Variants in PHF24 observed in about 807,000 individuals in gnomAD.
The protein encoded by PHF24 is PHD finger protein 24.
A neutral mutation model predicts 42.6 loss-of-function variants in PHF24; 25 were observed. The ratio of observed to expected loss-of-function variants is 0.59; its 90% confidence interval spans 0.43 to 0.82. The LOEUF (loss-of-function observed/expected upper bound fraction) is 0.82. Ranked by LOEUF, PHF24 falls within the 40% of genes least tolerant of loss-of-function variation. The pLI, the probability that PHF24 is intolerant of heterozygous loss-of-function variation, is 0.00. For synonymous variants in PHF24, 185 were observed against 204.8 expected, an observed-to-expected ratio of 0.90 and a Z score of 0.83; for missense variants, 470 against 538.1, an observed-to-expected ratio of 0.87 and a Z score of 1.25.
the PHF24 span, chr9:34,832,776 G>A: frequency 8.4e-6 from 13 of 1,550,956 alleles, no homozygotes; most frequent in Non-Finnish European, 1.1e-5. Flanking sequence ...CTTAGCCTGA[G>A]TTGGTTGGCT....
chr9:34,976,870 C>A, intron 5 of PHF24, 130 bp downstream of exon 5: 1 of 910,518 alleles, frequency 1.1e-6, no homozygotes, highest in Non-Finnish European at 1.6e-6. Context: ...GCTCAGGTTC[C>A]ATCCAGTGAC....
intron 1 of PHF24, among the ~76,000 whole-genome samples, chr9:34,959,550 G>A (rs1587457294): frequency 6.6e-6 from 1 of 152,188 alleles, no homozygotes; most frequent in African/African-American, 2.4e-5. Flanking sequence ...GGTGCCTGCC[G>A]AGCATAGGGT....
At chr9:34,670,981 T>C in the PHF24 span, among the ~76,000 whole-genome samples, 4 of 152,134 alleles carry the variant, frequency 2.6e-5, no homozygotes, top group Non-Finnish European at 5.9e-5. Context: ...CCTTGGAAAG[T>C]GAAGCTAAAT....
In PHF24 at chr9:34,978,081, C is replaced by T. The variant is rs199818707; in HGVS notation, c.1173C>T (p.Ser391=). 3.7e-5 allele frequency: 59 copies of T among 1,614,130 alleles called. No individual in the cohort carries two copies. The African/African-American group carries it at 4.5e-4, about 12-fold the overall frequency. ...ACATCCTGGCTGCTCGCCCCAACAGCGCAGCCATTCACCTGAAGCCCCCAG... is the reference window on the plus strand; with the variant it reads ...ACATCCTGGCTGCTCGCCCCAACAGTGCAGCCATTCACCTGAAGCCCCCAG... The change falls in exon 8 of 8, where the codon AGC becomes AGT. Residue 391 remains serine (S), a synonymous_variant. Transcript: ENST00000242315.
chr9:34,902,821 G>A, the PHF24 span, among the ~76,000 whole-genome samples: 2 of 152,116 alleles, frequency 1.3e-5, no homozygotes, highest in African/African-American at 4.8e-5. Flanking sequence ...TCTTGGGGAG[G>A]GGAGGTGGTT....
chr9:34,854,909 CTAAG>C, the PHF24 span, among the ~76,000 whole-genome samples: 1 of 152,150 alleles, frequency 6.6e-6, no homozygotes, highest in Non-Finnish European at 1.5e-5. Context: ...GTGTGGGAGT[CTAAG>C]TCTCTTTGAA....
the PHF24 span, among the ~76,000 whole-genome samples, chr9:34,720,182 C>T: frequency 2.6e-5 from 4 of 152,172 alleles, no homozygotes; most frequent in Non-Finnish European, 4.4e-5. Context: ...CGGTGGCTCA[C>T]GCCTGTAATC....
the PHF24 span, among the ~76,000 whole-genome samples, chr9:34,944,247 A>C: frequency 6.6e-6 from 1 of 152,220 alleles, no homozygotes; most frequent in Non-Finnish European, 1.5e-5. Context: ...AAAAATGTTC[A>C]CAAGTCATTA....
chr9:34,978,358 A>C, exon 8 of PHF24: 1 of 524,800 alleles, frequency 1.9e-6, no homozygotes, highest in East Asian at 3.2e-5. Context: ...CCTGCCCCAC[A>C]TCATAGACGG....
the PHF24 span, among the ~76,000 whole-genome samples, chr9:34,886,354 A>C: frequency 6.6e-6 from 1 of 151,946 alleles, no homozygotes; most frequent in Admixed American, 6.6e-5. Context: ...GCTGTCACCA[A>C]CTGCTCTTCT....
the PHF24 span, among the ~76,000 whole-genome samples, chr9:34,844,790 G>A: frequency 5.3e-5 from 8 of 152,140 alleles, no homozygotes; most frequent in African/African-American, 9.7e-5. Context: ...AGAAATGTGC[G>A]TTCAGCTGCT....
chr9:34,910,307 T>C, the PHF24 span, among the ~76,000 whole-genome samples: 1 of 152,168 alleles, frequency 6.6e-6, no homozygotes, highest in African/African-American at 2.4e-5. Context: ...CCTCCTTTTT[T>C]CCCCTCTCTT....
chr9:34,735,911 C>T, the PHF24 span, among the ~76,000 whole-genome samples: 1 of 151,742 alleles, frequency 6.6e-6, no homozygotes, highest in Non-Finnish European at 1.5e-5. Context: ...ATATGTTAAA[C>T]GATCTAGTGG....
chr9:34,980,934 T>A (rs941556620), exon 8 of PHF24: 1 of 152,298 alleles, frequency 6.6e-6, no homozygotes, highest in African/African-American at 2.4e-5. Flanking sequence ...AAGGGGCAGC[T>A]GGAGGATGTG....
the PHF24 span, among the ~76,000 whole-genome samples, chr9:34,880,638 G>A: frequency 1.3e-5 from 2 of 152,148 alleles, no homozygotes; most frequent in Admixed American, 6.6e-5. Context: ...AAAGAGATCA[G>A]TTCAACAAGA....
chr9:34,875,950 A>ACTCTCTCTCTCTCTCTCTCTCTCTCT, the PHF24 span, among the ~76,000 whole-genome samples: 8 of 78,740 alleles, frequency 1.0e-4, no homozygotes, highest in African/African-American at 2.4e-4. Context: ...ACACACACAC[A>ACTCTCTCTCTCTCTCTCTCTCTCTCT]CTCTCTCTCT....
chr9:34,860,689 TG>T, the PHF24 span, among the ~76,000 whole-genome samples: 1 of 150,192 alleles, frequency 6.7e-6, no homozygotes, highest in African/African-American at 2.4e-5. Flanking sequence ...CCTTTAAAAG[TG>T]TGTGTGTGTG....
chr9:34,858,645 G>A, the PHF24 span, among the ~76,000 whole-genome samples: 1 of 152,228 alleles, frequency 6.6e-6, no homozygotes, highest in Non-Finnish European at 1.5e-5. Context: ...TGGCACTGGG[G>A]CAAGCATGAA....
chr9:34,863,435 G>C, the PHF24 span, among the ~76,000 whole-genome samples: 1 of 149,666 alleles, frequency 6.7e-6, no homozygotes, highest in Non-Finnish European at 1.5e-5. Context: ...GAGAGAGAGA[G>C]AGAGAGAGAG....
Sources: gnomAD v4.1 joint callset for allele counts (sites outside exome capture counted in the v4.1 genomes callset) on GRCh38, gnomAD v4.1.1 for gene constraint, MANE v1.5 for transcripts, NCBI Gene and HGNC (gene_info 2026-07-23, HGNC 2026-07-21) for gene names.